Variants in MED26 observed in about 807,000 individuals in gnomAD.
MED26 encodes the protein mediator complex subunit 26.
MED26 carries 7 observed loss-of-function variants against 43.7 expected under a neutral mutation model. That is an observed-to-expected ratio of 0.16 (90% CI 0.09 to 0.30). MED26 has a LOEUF of 0.30. Among genes scored for constraint, MED26 ranks in the 10% least tolerant of loss-of-function variants. The pLI, the probability that MED26 is intolerant of heterozygous loss-of-function variation, is 1.00. For synonymous variants in MED26, 375 were observed against 371.1 expected, an observed-to-expected ratio of 1.01 and a Z score of -0.12; for missense variants, 784 against 840.6, an observed-to-expected ratio of 0.93 and a Z score of 0.83.
chr19:16,597,007 G>A (rs1017339850), intron 1 of MED26, among the ~76,000 whole-genome samples: 1 of 152,146 alleles, frequency 6.6e-6, no homozygotes, highest in Non-Finnish European at 1.5e-5. Context: ...CACAGACCAC[G>A]CCCACATGGT....
chr19:16,607,833 C>T (rs2086181132), intron 1 of MED26, among the ~76,000 whole-genome samples: 1 of 152,234 alleles, frequency 6.6e-6, no homozygotes, highest in African/African-American at 2.4e-5. Flanking sequence ...AAAGATTGGA[C>T]ACCCCGATCT....
chr19:16,620,270 A>G (rs922282708), intron 1 of MED26, among the ~76,000 whole-genome samples: 5 of 152,348 alleles, frequency 3.3e-5, no homozygotes, highest in Non-Finnish European at 4.4e-5. Flanking sequence ...CAAGGGAGGC[A>G]GCCAGCAGGT....
At chr19:16,582,869 G>A (rs537013495) in intron 1 of MED26, among the ~76,000 whole-genome samples, 3 of 152,246 alleles carry the variant, frequency 2.0e-5, no homozygotes, top group Non-Finnish European at 2.9e-5. Context: ...TGCGGCAGGG[G>A]AGAGGCCATG....
At position 16,575,983 on chromosome 19, in the gene MED26, C is replaced by T. The variant is rs762450119; in HGVS notation, c.*44G>A. The T allele has an allele frequency of 3.5e-5, 54 of 1,562,260 alleles. No individual in the cohort carries two copies. The highest frequency in any genetic ancestry group is 5.9e-5 in the South Asian group (5 of 84,578). Reference sequence around the variant, plus strand: ...CTGCCCACCTGCCTGCCCGCCCACCCGGCTTCTGCAAGATGGGAATGCACT... The same window carrying T: ...CTGCCCACCTGCCTGCCCGCCCACCTGGCTTCTGCAAGATGGGAATGCACT... On this transcript the variant is annotated 3_prime_UTR_variant, in exon 3 of 3. Coordinates refer to ENST00000263390, the MANE Select transcript of MED26 (RefSeq NM_004831.5).
At chr19:16,578,666 T>C in intron 1 of MED26, 1 of 457,272 alleles carries the variant, frequency 2.2e-6, no homozygotes, top group Non-Finnish European at 3.9e-6. Flanking sequence ...ACATGGTACA[T>C]ACCCACCCAC....
intron 1 of MED26, among the ~76,000 whole-genome samples, chr19:16,594,305 G>A (rs2086110829): frequency 6.6e-6 from 1 of 152,226 alleles, no homozygotes; most frequent in Admixed American, 6.5e-5. Flanking sequence ...TAAAGGCTAG[G>A]CAGCCCCTGG....
chr19:16,603,056 C>A (rs2086157044), intron 1 of MED26, among the ~76,000 whole-genome samples: 1 of 152,236 alleles, frequency 6.6e-6, no homozygotes, highest in East Asian at 1.9e-4. Context: ...AGAGCCCCTG[C>A]TGCCTAAGTT....
chr19:16,617,243 GC>G (rs1294492101), intron 1 of MED26, among the ~76,000 whole-genome samples: 2 of 152,098 alleles, frequency 1.3e-5, no homozygotes, highest in Non-Finnish European at 2.9e-5. Flanking sequence ...CACCTAACGT[GC>G]CCCCTCCCCA....
intron 1 of MED26, among the ~76,000 whole-genome samples, chr19:16,599,112 G>C (rs1447349470): frequency 6.6e-6 from 1 of 152,168 alleles, no homozygotes; most frequent in Non-Finnish European, 1.5e-5. Flanking sequence ...CTGTCAGGCA[G>C]GGCTCCAGAT....
chr19:16,585,465 G>C (rs933402562), intron 1 of MED26, among the ~76,000 whole-genome samples: 2 of 152,086 alleles, frequency 1.3e-5, no homozygotes, highest in Non-Finnish European at 2.9e-5. Context: ...TCCAGAAGGG[G>C]AGAAACATAA....
In MED26 at chr19:16,576,337, G is replaced by A. The variant is rs1160366809; in HGVS notation, c.1493C>T (p.Ser498Leu). 6.2e-7 allele frequency: 1 copy of A among 1,613,834 alleles called. No individual in the cohort carries two copies. The highest frequency in any genetic ancestry group is 1.3e-5 in the African/African-American group (1 of 74,922). ...SYLSRQSSLL[S>L]SSGAQTPGAH... ...CCCTGGGGTCTGCGCGCCCGATGATGAGAGCAGGCTGCTCTGCCGGCTCAG... is the reference window on the plus strand; with the variant it reads ...CCCTGGGGTCTGCGCGCCCGATGATAAGAGCAGGCTGCTCTGCCGGCTCAG... Residue 498 changes from serine (S) to leucine (L), a missense_variant, in exon 3 of 3, where the codon TCA becomes TTA. By Grantham distance (145) the Ser-to-Leu change is moderately radical. This residue lies in a region of MED26 where 719 missense variants were observed against 730.9 expected (regional missense o/e 0.98). Transcript: ENST00000263390. The surrounding 1 kb of genome is among the most constrained non-coding windows in gnomAD (Gnocchi z 6.8).
chr19:16,599,584 C>G (rs1697210493), intron 1 of MED26, among the ~76,000 whole-genome samples: 1 of 152,172 alleles, frequency 6.6e-6, no homozygotes, highest in South Asian at 2.1e-4. Context: ...GTGGGAGAGG[C>G]CAGGGAAGAA....
chr19:16,575,835 G>A lies in MED26; in HGVS notation c.*192C>T, dbSNP rs1420734697. 1.7e-6 allele frequency: 1 copy of A among 594,190 alleles called. No homozygotes were observed. The highest frequency in any genetic ancestry group is 3.0e-6 in the Non-Finnish European group (1 of 336,116). The allele number at this position is 594,190 out of a possible 1,614,324, so 36.8% of individuals were successfully genotyped here. A position where few individuals can be genotyped will look rare whatever the true frequency, so the allele number is the denominator to read the frequency against. On this transcript the variant is annotated 3_prime_UTR_variant, in exon 3 of 3. Coordinates refer to ENST00000263390, the MANE Select transcript of MED26 (RefSeq NM_004831.5). ...CAATTTTGTTAGTAAACTGGTAGCA[G>A]CATTTCACAAAAAGAGTTTTGAGGG...
At chr19:16,579,067 C>A (rs376850913) in intron 1 of MED26, among the ~76,000 whole-genome samples, 1 of 152,150 alleles carries the variant, frequency 6.6e-6, no homozygotes, top group East Asian at 1.9e-4. Context: ...CACCACTGCA[C>A]TCCAGCCTGG....
chr19:16,593,025 G>C (rs74632556), intron 1 of MED26, among the ~76,000 whole-genome samples: 2 of 152,198 alleles, frequency 1.3e-5, no homozygotes, highest in Non-Finnish European at 2.9e-5. Flanking sequence ...GACTCTGTAG[G>C]TGGGCCAAGC....
In MED26 at chr19:16,606,420, C is replaced by T. The variant is rs8104186; in HGVS notation, c.72+21452G>A. On this transcript the variant is annotated intron_variant, in intron 1 of 2. Transcript: ENST00000263390. ...TACAAAAATAAGCTGGGTGTGGTGG[C>T]GCATGCCTGTAATCCCAGCTACTCA... Among the ~76,000 whole-genome samples, 258 of 152,238 alleles carry T rather than the reference C, an allele frequency of 1.7e-3. 1 individual carries two copies. Among genetic ancestry groups the T allele is most frequent in the African/African-American group, 5.9e-3 (247 of 41,532 alleles).
rs573221806 is a variant in MED26, at chr19:16,587,955, G to A, written c.73-9546C>T. The A allele has an allele frequency of 7.2e-5, 11 of 152,354 alleles. No individual in the cohort carries two copies. In the East Asian group the frequency reaches 1.9e-3, roughly 27 times the overall value. 9.4% of individuals were successfully genotyped at this position (152,354 alleles called of 1,614,324 possible). ...CAGATGAAGCCAGGAGGCAGGCAGC[G>A]CTGCTCTCCACAGCCACTGCCCCCA... On this transcript the variant is annotated intron_variant, in intron 1 of 2. Transcript: ENST00000263390. The surrounding 1 kb of genome is among the most constrained non-coding windows in gnomAD (Gnocchi z 4.9).
In MED26 at chr19:16,575,147, C is replaced by G. The variant is rs931394212; in HGVS notation, c.*880G>C. On this transcript the variant is annotated 3_prime_UTR_variant, in exon 3 of 3. Transcript: ENST00000263390. ...TCCAGCGTACAGACAGGTCTTCCCCCTCGCCCCACAGTACAGCATAAAACC... is the reference window on the plus strand; with the variant it reads ...TCCAGCGTACAGACAGGTCTTCCCCGTCGCCCCACAGTACAGCATAAAACC... 1 of 152,536 alleles carries G rather than the reference C, an allele frequency of 6.6e-6. No individual in the cohort carries two copies. The highest frequency in any genetic ancestry group is 2.4e-5 in the African/African-American group (1 of 41,398). 9.4% of individuals were successfully genotyped at this position (152,536 alleles called of 1,614,324 possible).
chr19:16,600,865 G>A (rs1169533811), intron 1 of MED26, among the ~76,000 whole-genome samples: 6 of 152,146 alleles, frequency 3.9e-5, no homozygotes, highest in African/African-American at 9.7e-5. Flanking sequence ...GAGGCCAGGC[G>A]GGTGGATCAC....
Sources: allele counts gnomAD v4.1 joint callset (sites outside exome capture counted in the v4.1 genomes callset), GRCh38; gene constraint gnomAD v4.1.1; regional missense constraint gnomAD v4.1.1; non-coding constraint Gnocchi (gnomAD v3.1); transcripts MANE v1.5; gene names NCBI Gene and HGNC (gene_info 2026-07-23, HGNC 2026-07-21).